The following MEGF6 variants were observed in gnomAD, a reference collection of about 807,000 sequenced individuals.
MEGF6 encodes the protein multiple epidermal growth factor-like domains protein 6.
MEGF6 carries 184 observed loss-of-function variants against 207.1 expected under a neutral mutation model. That is an observed-to-expected ratio of 0.89 (90% CI 0.79 to 1.00). The LOEUF is 1.00. Among genes scored for constraint, MEGF6 ranks in the 50% least tolerant of loss-of-function variants. MEGF6 has a pLI of 0.00. For synonymous variants in MEGF6, 1,038 were observed against 910.0 expected, an observed-to-expected ratio of 1.14 and a Z score of -2.53; for missense variants, 2,282 against 2,202.9, an observed-to-expected ratio of 1.04 and a Z score of -0.72.
At chr1:3,520,241 AG>A (rs1248502582) in intron 5 of MEGF6, among the ~76,000 whole-genome samples, 1 of 152,228 alleles carries the variant, frequency 6.6e-6, no homozygotes, top group Non-Finnish European at 1.5e-5. Flanking sequence ...AGAGTCAGCC[AG>A]GCCGCCTCCG....
Position 3,585,347 on chromosome 1 carries a change from TGTGA to T in MEGF6, c.377-5422_377-5419del, listed in dbSNP as rs201557474. ...GAATGAGTGACACATGTCCTATGTG[TGTGA>T]GTGAGGACACACGTCCTGTGTGTGG... On this transcript the variant is annotated intron_variant, in intron 3 of 36. Coordinates refer to ENST00000356575, the MANE Select transcript of MEGF6 (RefSeq NM_001409.4). 6.6e-3 allele frequency among the ~76,000 whole-genome samples: 933 copies of T among 142,334 alleles called. 31 individuals are homozygous for T. Among genetic ancestry groups the T allele is most frequent in the African/African-American group, 0.024 (864 of 36,376 alleles). 93.4% of individuals were successfully genotyped at this position (142,334 alleles called of 152,430 possible). A position where few individuals can be genotyped will look rare whatever the true frequency, so the allele number is the denominator to read the frequency against.
intron 3 of MEGF6, among the ~76,000 whole-genome samples, chr1:3,591,796 G>C (rs61762205): frequency 1.3e-5 from 1 of 78,966 alleles, no homozygotes; most frequent in Non-Finnish European, 2.5e-5. Flanking sequence ...ACAAGGGACC[G>C]GATGGGGGCA....
chr1:3,531,261 C>G, intron 4 of MEGF6: 1 of 1,368,772 alleles, frequency 7.3e-7, no homozygotes, highest in Non-Finnish European at 9.4e-7. Flanking sequence ...GGTAGGCCGG[C>G]GGGCGGGAGG....
chr1:3,601,468 C>T (rs1165567706), intron 2 of MEGF6, among the ~76,000 whole-genome samples: 1 of 152,186 alleles, frequency 6.6e-6, no homozygotes, highest in East Asian at 1.9e-4. Context: ...GAACCTCAGC[C>T]CTCCTGAGAT....
In MEGF6 at chr1:3,490,451, T is replaced by A; in HGVS notation, c.*77A>T. 1 of 1,515,092 alleles carries A rather than the reference T, an allele frequency of 6.6e-7. No homozygotes were observed. The highest frequency in any genetic ancestry group is 9.1e-7 in the Non-Finnish European group (1 of 1,100,746). 93.9% of individuals were successfully genotyped at this position (1,515,092 alleles called of 1,614,324 possible). On this transcript the variant is annotated 3_prime_UTR_variant, in exon 37 of 37. Transcript: ENST00000356575. Reference sequence around the variant, plus strand: ...CCAGGAGCTCTGGGCCCGTGAAGTGTCCTTCTCAGTGGTCACCAAAGGCCA... The same window carrying A: ...CCAGGAGCTCTGGGCCCGTGAAGTGACCTTCTCAGTGGTCACCAAAGGCCA...
intron 3 of MEGF6, among the ~76,000 whole-genome samples, chr1:3,580,698 C>T (rs1016141287): frequency 6.6e-6 from 1 of 152,000 alleles, no homozygotes; most frequent in Non-Finnish European, 1.5e-5. Flanking sequence ...ACTTCCTTCA[C>T]CGGGCAGCCC....
intron 4 of MEGF6, among the ~76,000 whole-genome samples, chr1:3,534,764 A>G (rs932358531): frequency 6.6e-6 from 1 of 152,072 alleles, no homozygotes; most frequent in Non-Finnish European, 1.5e-5. Flanking sequence ...CATGGTCCGG[A>G]GACATCCTGG....
chr1:3,557,447 G>A (rs1420273899), intron 4 of MEGF6, among the ~76,000 whole-genome samples: 1 of 152,204 alleles, frequency 6.6e-6, no homozygotes, highest in Non-Finnish European at 1.5e-5. Context: ...TGGCCTGGAG[G>A]GGTCTTGAGG....
intron 32 of MEGF6, 96 bp downstream of exon 32, chr1:3,494,275 T>TCCCCACCA (rs1640503933): frequency 6.8e-7 from 1 of 1,468,876 alleles, no homozygotes; most frequent in African/African-American, 1.4e-5. Context: ...GCTCCCCACC[T>TCCCCACCA]CCCCACCACT....
chr1:3,491,054 G>T, intron 35 of MEGF6, 95 bp from the exon 36 acceptor site: 2 of 1,133,558 alleles, frequency 1.8e-6, no homozygotes. Context: ...GGCCTTCAGG[G>T]ACCTCCACTT....
chr1:3,515,250 CTGAGCT>C, intron 6 of MEGF6, 146 bp downstream of exon 6: 1 of 957,776 alleles, frequency 1.0e-6, no homozygotes, highest in East Asian at 2.7e-5. Flanking sequence ...GGCCCCCATC[CTGAGCT>C]TCCTGGCCCC....
At position 3,552,434 on chromosome 1, in the gene MEGF6, C is replaced by T. The variant is rs894982091; in HGVS notation, c.481+27391G>A. 3.3e-5 allele frequency among the ~76,000 whole-genome samples: 5 copies of T among 152,360 alleles called. No homozygotes were observed. In the East Asian group the frequency reaches 5.8e-4, roughly 18 times the overall value. ...TGGTAAGACCACGCGTGGCGGCTCA[C>T]GCCCGTAATCCCAGCACTCTGGGAG... is the stretch of plus-strand genomic sequence containing the variant. On this transcript the variant is annotated intron_variant, in intron 4 of 36. Coordinates refer to ENST00000356575, the MANE Select transcript of MEGF6 (RefSeq NM_001409.4).
At chr1:3,491,682 T>C (rs1640373758) in intron 35 of MEGF6, among the ~76,000 whole-genome samples, 1 of 151,154 alleles carries the variant, frequency 6.6e-6, no homozygotes. Context: ...CCCGCCCACA[T>C]GTCTTGCCCC....
intron 25 of MEGF6, 69 bp from the exon 26 acceptor site, chr1:3,498,568 C>T: frequency 6.7e-7 from 1 of 1,496,062 alleles, no homozygotes; most frequent in Non-Finnish European, 8.9e-7. Flanking sequence ...CTGACCCATG[C>T]TTCCTGCACG....
At chr1:3,582,682 A>G (rs2821045) in intron 3 of MEGF6, among the ~76,000 whole-genome samples, 130,832 of 152,110 alleles carry the variant, frequency 0.86, 56,573 homozygotes, top group Middle Eastern at 0.92. Context: ...TTAGACCCCC[A>G]TCCAGCTCCT....
Position 3,505,280 on chromosome 1 carries a change from C to T in MEGF6, c.2116G>A (p.Ala706Thr), listed in dbSNP as rs1258342016. ...WQACTCPVGVACDSVSGECGK... is the reference protein window; with the variant it reads ...WQACTCPVGVTCDSVSGECGK... ...CACTCGCCGCTCACGGAGTCACAGG[C>T]CACGCCCACTGGGCAGGTGCATGCC... The change falls in exon 17 of 37, where the codon GCC (alanine) becomes ACC (threonine). Residue 706 changes from alanine (A) to threonine (T), a missense_variant. By Grantham distance (58) the Ala-to-Thr change is moderately conservative. Coordinates refer to ENST00000356575, the MANE Select transcript of MEGF6 (RefSeq NM_001409.4). 3 of 1,612,374 alleles carry T rather than the reference C, an allele frequency of 1.9e-6. No individual in the cohort carries two copies. Among genetic ancestry groups the T allele is most frequent in the Non-Finnish European group, 2.5e-6 (3 of 1,179,776 alleles).
Position 3,565,455 on chromosome 1 carries a change from G to T in MEGF6, c.481+14370C>A, listed in dbSNP as rs1464723123. Among the ~76,000 whole-genome samples, 9 of 152,310 alleles carry T rather than the reference G, an allele frequency of 5.9e-5. No individual in the cohort carries two copies. The East Asian group carries it at 1.7e-3, about 29-fold the overall frequency. On this transcript the variant is annotated intron_variant, in intron 4 of 36. Coordinates refer to ENST00000356575, the MANE Select transcript of MEGF6 (RefSeq NM_001409.4). The surrounding 1 kb of genome is among the most constrained non-coding windows in gnomAD (Gnocchi z 4.8). The stretch of plus-strand genomic sequence containing the variant: ...CCCTGAGCACGCGGCAAGAAGGGAG[G>T]TGGGGACCCCTTGATTGCAGGAGGC...
chr1:3,508,570 T>A lies in MEGF6; in HGVS notation c.1648A>T (p.Ile550Phe). Residue 550 changes from isoleucine to phenylalanine, a missense_variant, in exon 13 of 37, where the codon ATC (isoleucine) becomes TTC (phenylalanine). Transcript: ENST00000356575. Reference protein sequence around the residue: ...CDCPEGWTGLICNETCPPDTF... With the variant: ...CDCPEGWTGLFCNETCPPDTF... ...CCAGCTGCCTCACTCTCATTGCAGA[T>A]GAGCCCAGTCCAGCCCTCGGGGCAA... 1 of 1,613,150 alleles carries A rather than the reference T, an allele frequency of 6.2e-7. No homozygotes were observed. Among genetic ancestry groups the A allele is most frequent in the East Asian group, 2.2e-5 (1 of 44,860 alleles).
chr1:3,592,207 G>C (rs1643990793), intron 3 of MEGF6, among the ~76,000 whole-genome samples: 1 of 152,208 alleles, frequency 6.6e-6, no homozygotes, highest in South Asian at 2.1e-4. Context: ...GCAGGTCCCG[G>C]CGTGCAGCCC....
Sources: gnomAD v4.1 joint callset for allele counts (sites outside exome capture counted in the v4.1 genomes callset) on GRCh38, gnomAD v4.1.1 for gene constraint, Gnocchi (gnomAD v3.1) non-coding constraint, MANE v1.5 for transcripts, NCBI Gene and HGNC (gene_info 2026-07-23, HGNC 2026-07-21) for gene names.